The following RPS6KC1 variants were observed in gnomAD, a reference collection of about 807,000 sequenced individuals.
The protein encoded by RPS6KC1 is ribosomal protein S6 kinase C1.
In RPS6KC1, 54 loss-of-function variants were observed where a neutral mutation model predicts 103.8. That is an observed-to-expected ratio of 0.52 (90% CI 0.42 to 0.65). RPS6KC1 has a LOEUF of 0.65. RPS6KC1 is among the 30% of genes least tolerant of loss of function. The pLI, the probability that RPS6KC1 is intolerant of heterozygous loss-of-function variation, is 0.00. For missense variants in RPS6KC1, 1,151 were observed against 1,253.8 expected, an observed-to-expected ratio of 0.92 and a Z score of 1.24; for synonymous variants, 439 against 438.7, an observed-to-expected ratio of 1.00 and a Z score of -0.01.
At chr1:213,313,121 T>C in the RPS6KC1 span, among the ~76,000 whole-genome samples, 2 of 152,188 alleles carry the variant, frequency 1.3e-5, no homozygotes, top group African/African-American at 2.4e-5. Flanking sequence ...ATTTATCTGT[T>C]CTTTTCATGA....
the RPS6KC1 span, among the ~76,000 whole-genome samples, chr1:213,703,241 C>T: frequency 6.6e-6 from 1 of 152,128 alleles, no homozygotes; most frequent in African/African-American, 2.4e-5. Flanking sequence ...AAACTCTACA[C>T]TTTAACTTCA....
the RPS6KC1 span, among the ~76,000 whole-genome samples, chr1:213,686,307 C>G: frequency 6.6e-6 from 1 of 152,118 alleles, no homozygotes. Flanking sequence ...CTTGTTGGTT[C>G]CAGCTGAGAA....
chr1:213,146,905 A>G (rs2087913570), intron 6 of RPS6KC1, among the ~76,000 whole-genome samples: 1 of 152,044 alleles, frequency 6.6e-6, no homozygotes, highest in African/African-American at 2.4e-5. Context: ...CTGGGCGGGG[A>G]TAATATCTCA....
At chr1:213,465,528 T>C in the RPS6KC1 span, among the ~76,000 whole-genome samples, 1 of 152,164 alleles carries the variant, frequency 6.6e-6, no homozygotes, top group Non-Finnish European at 1.5e-5. Flanking sequence ...ACCATCCTTT[T>C]ACTGTAGCTC....
At chr1:213,583,833 A>AG in the RPS6KC1 span, among the ~76,000 whole-genome samples, 2 of 143,218 alleles carry the variant, frequency 1.4e-5, no homozygotes, top group African/African-American at 5.3e-5. Flanking sequence ...AAAAAAAAAA[A>AG]AAAAAGAAAA....
At chr1:213,440,935 G>A in the RPS6KC1 span, among the ~76,000 whole-genome samples, 4 of 152,174 alleles carry the variant, frequency 2.6e-5, no homozygotes, top group Non-Finnish European at 4.4e-5. Context: ...CAGACTTGGA[G>A]CAGCCAGAGC....
At chr1:213,435,773 A>T in the RPS6KC1 span, among the ~76,000 whole-genome samples, 1 of 152,254 alleles carries the variant, frequency 6.6e-6, no homozygotes, top group Non-Finnish European at 1.5e-5. Context: ...CATGTTAATT[A>T]GTTCTTTGTT....
chr1:213,064,173 C>T (rs2078084310), intron 1 of RPS6KC1, among the ~76,000 whole-genome samples: 1 of 152,046 alleles, frequency 6.6e-6, no homozygotes, highest in Non-Finnish European at 1.5e-5. Context: ...TTTAGTGCCT[C>T]AGCCTCCTGA....
chr1:213,117,531 A>G, intron 5 of RPS6KC1, 121 bp downstream of exon 5: 1 of 543,880 alleles, frequency 1.8e-6, no homozygotes, highest in Admixed American at 3.7e-5. Context: ...TGATTCTAAG[A>G]TGCTTTTTTT....
chr1:213,307,939 T>A, the RPS6KC1 span, among the ~76,000 whole-genome samples: 1 of 152,234 alleles, frequency 6.6e-6, no homozygotes, highest in Non-Finnish European at 1.5e-5. Context: ...TGGCCTGTAG[T>A]GGGCAGCAAG....
chr1:213,293,394 A>G, the RPS6KC1 span, among the ~76,000 whole-genome samples: 3 of 152,232 alleles, frequency 2.0e-5, no homozygotes, highest in South Asian at 2.1e-4. Flanking sequence ...TACCCCCATT[A>G]TAAAGACATT....
chr1:213,444,779 A>G, the RPS6KC1 span, among the ~76,000 whole-genome samples: 8 of 151,928 alleles, frequency 5.3e-5, no homozygotes, highest in Non-Finnish European at 1.2e-4. Flanking sequence ...AAAAGAAAAA[A>G]GAACAGAAAA....
chr1:213,309,095 G>A, the RPS6KC1 span, among the ~76,000 whole-genome samples: 1 of 152,164 alleles, frequency 6.6e-6, no homozygotes, highest in South Asian at 2.1e-4. Context: ...TTCGAGACCA[G>A]CCTGGCCAAT....
At chr1:213,377,320 A>G in the RPS6KC1 span, among the ~76,000 whole-genome samples, 2 of 152,000 alleles carry the variant, frequency 1.3e-5, no homozygotes, top group Admixed American at 6.6e-5. Flanking sequence ...ATCATGACCT[A>G]CTCTGTGCTG....
chr1:213,210,812 C>G lies in RPS6KC1; in HGVS notation c.1045-19685C>G, dbSNP rs1426759817. Among the ~76,000 whole-genome samples, 4 of 152,198 alleles carry G rather than the reference C, an allele frequency of 2.6e-5. No homozygotes were observed. The South Asian group carries it at 8.3e-4, about 31-fold the overall frequency. ...GAGGCATTTTCTTCTGAATTGGAAT[C>G]AGGCTACCTTTGACATTGGCAACTT... On this transcript the variant is annotated intron_variant, in intron 8 of 14. Transcript: ENST00000366960.
At chr1:213,236,817 G>T (rs372595762) in intron 10 of RPS6KC1, among the ~76,000 whole-genome samples, 11 of 152,090 alleles carry the variant, frequency 7.2e-5, no homozygotes, top group Admixed American at 2.0e-4. Context: ...AGGTAGAAAA[G>T]AATTTCTCTC....
chr1:213,236,646 A>G (rs187626740), intron 10 of RPS6KC1, among the ~76,000 whole-genome samples: 18 of 152,326 alleles, frequency 1.2e-4, no homozygotes, highest in Admixed American at 1.3e-4. Context: ...ATTAGGGATT[A>G]TATAATATTC....
chr1:213,498,419 A>G, the RPS6KC1 span, among the ~76,000 whole-genome samples: 4 of 151,830 alleles, frequency 2.6e-5, no homozygotes, highest in Admixed American at 2.6e-4. Context: ...AAATTAAGCA[A>G]TTTGTCCTAA....
the RPS6KC1 span, among the ~76,000 whole-genome samples, chr1:213,684,340 TC>T: frequency 6.6e-6 from 1 of 152,168 alleles, no homozygotes; most frequent in African/African-American, 2.4e-5. Flanking sequence ...CCAGAGAGGC[TC>T]AATGACTTGT....
Sources: allele counts gnomAD v4.1 joint callset (sites outside exome capture counted in the v4.1 genomes callset), GRCh38; gene constraint gnomAD v4.1.1; transcripts MANE v1.5; gene names NCBI Gene and HGNC (gene_info 2026-07-23, HGNC 2026-07-21).